Variants in PDE4D observed in about 807,000 individuals in gnomAD.
PDE4D encodes the protein phosphodiesterase 4D, also known as 3',5'-cyclic-AMP phosphodiesterase 4D.
PDE4D carries 24 observed loss-of-function variants against 87.4 expected under a neutral mutation model. The ratio of observed to expected loss-of-function variants is 0.27; its 90% confidence interval spans 0.20 to 0.39. The LOEUF is 0.39. Ranked by LOEUF, PDE4D falls within the 10% of genes least tolerant of loss-of-function variation. The pLI is 1.00. For synonymous variants in PDE4D, 384 were observed against 383.2 expected (o/e 1.00, Z -0.02); for missense variants, 714 against 1,041.0 (o/e 0.69, Z 4.32).
intron 5 of PDE4D, among the ~76,000 whole-genome samples, chr5:59,138,306 T>C (rs1055554005): frequency 5.3e-5 from 8 of 152,086 alleles, no homozygotes; most frequent in Admixed American, 6.5e-5. Flanking sequence ...TTGTTTTTTT[T>C]AGACGGAATC....
chr5:59,754,608 T>C (rs887228281), intron 1 of PDE4D, among the ~76,000 whole-genome samples: 1 of 152,130 alleles, frequency 6.6e-6, no homozygotes, highest in Non-Finnish European at 1.5e-5. Context: ...GCCAGTGCTG[T>C]GTGAGCATTC....
At chr5:59,907,122 G>A (rs538151464) in intron 3 of PDE4D, among the ~76,000 whole-genome samples, 2 of 152,126 alleles carry the variant, frequency 1.3e-5, no homozygotes, top group South Asian at 4.1e-4. Flanking sequence ...GCAAACTAAC[G>A]CAGGAACAGA....
intron 1 of PDE4D, among the ~76,000 whole-genome samples, chr5:59,745,033 A>C (rs1208615154): frequency 6.6e-6 from 1 of 152,220 alleles, no homozygotes; most frequent in Non-Finnish European, 1.5e-5. Context: ...ATTTCCATTG[A>C]TTACCAAACT....
chr5:59,368,731 C>A (rs1282154381), intron 1 of PDE4D, among the ~76,000 whole-genome samples: 1 of 152,172 alleles, frequency 6.6e-6, no homozygotes, highest in African/African-American at 2.4e-5. Context: ...AAAATGATTT[C>A]TTCTCACATT....
In PDE4D at chr5:60,197,703, C is replaced by T. The variant is rs545568662; in HGVS notation, c.-89-12016G>A. On this transcript the variant is annotated intron_variant, in intron 1 of 16. Coordinates refer to the PDE4D transcript ENST00000502484. ...CAAGTGCTACCCAAGGAGTCATTGC[C>T]GGCAGACTGTACAAACAGAAGAAAA... Among the ~76,000 whole-genome samples the T allele has an allele frequency of 4.6e-4, 69 of 151,490 alleles. No individual in the cohort carries two copies. The South Asian group carries it at 0.013, about 29-fold the overall frequency.
chr5:60,042,448 A>C (rs1768632905), intron 2 of PDE4D, among the ~76,000 whole-genome samples: 1 of 152,230 alleles, frequency 6.6e-6, no homozygotes, highest in South Asian at 2.1e-4. Context: ...AGCTCTGCTA[A>C]GGGACACAAT....
At chr5:59,565,146 G>A (rs573753266) in intron 1 of PDE4D, among the ~76,000 whole-genome samples, 11 of 152,116 alleles carry the variant, frequency 7.2e-5, no homozygotes, top group South Asian at 2.1e-4. Flanking sequence ...GATGGGCTCC[G>A]CTTGGCTCTT....
At chr5:59,402,691 A>T (rs1277557120) in intron 1 of PDE4D, among the ~76,000 whole-genome samples, 1 of 152,184 alleles carries the variant, frequency 6.6e-6, no homozygotes, top group African/African-American at 2.4e-5. Context: ...TTATTAAACT[A>T]ACCCACACAC....
chr5:59,763,991 G>A (rs1291973874), intron 1 of PDE4D, among the ~76,000 whole-genome samples: 1 of 152,144 alleles, frequency 6.6e-6, no homozygotes, highest in African/African-American at 2.4e-5. Context: ...GAGAACTGGA[G>A]GAACCTTTTA....
chr5:60,015,512 A>T (rs984949021), intron 2 of PDE4D, among the ~76,000 whole-genome samples: 1 of 152,178 alleles, frequency 6.6e-6, no homozygotes, highest in Non-Finnish European at 1.5e-5. Flanking sequence ...AAGAAGCCCA[A>T]GCTTCTTTGG....
intron 2 of PDE4D, among the ~76,000 whole-genome samples, chr5:59,995,325 T>C (rs1467736945): frequency 2.0e-5 from 3 of 151,096 alleles, no homozygotes; most frequent in African/African-American, 4.9e-5. Context: ...TTCTTTCTTT[T>C]TTTTTTTTTT....
In PDE4D at chr5:60,106,542, C is replaced by A. The variant is rs1776943389; in HGVS notation, c.42+79015G>T. Among the ~76,000 whole-genome samples, 4 of 152,174 alleles carry A rather than the reference C, an allele frequency of 2.6e-5. 1 individual carries two copies. In the South Asian group the frequency reaches 8.3e-4, roughly 32 times the overall value. On this transcript the variant is annotated intron_variant, in intron 2 of 16. Transcript: ENST00000502484. Reference sequence around the variant, plus strand: ...ATATACAGAACTCTCCACCCCAAATCAACAGAATATACATTTTTTTCAGCA... The same window carrying A: ...ATATACAGAACTCTCCACCCCAAATAAACAGAATATACATTTTTTTCAGCA...
chr5:60,277,859 C>T (rs887474191), intron 1 of PDE4D, among the ~76,000 whole-genome samples: 1 of 152,086 alleles, frequency 6.6e-6, no homozygotes, highest in African/African-American at 2.4e-5. Flanking sequence ...CTTTGAACGT[C>T]CCTTTAACCC....
At chr5:60,042,648 G>A (rs1290059782) in intron 2 of PDE4D, among the ~76,000 whole-genome samples, 1 of 152,204 alleles carries the variant, frequency 6.6e-6, no homozygotes, top group Non-Finnish European at 1.5e-5. Flanking sequence ...TGATACCCAG[G>A]CAAAGAGGGT....
At chr5:59,095,053 C>T (rs1371996540) in intron 5 of PDE4D, among the ~76,000 whole-genome samples, 1 of 151,856 alleles carries the variant, frequency 6.6e-6, no homozygotes, top group Non-Finnish European at 1.5e-5. Flanking sequence ...AAAGATGGCT[C>T]AATGGGCAAG....
At chr5:60,509,417 G>A (rs529336749) in intron 1 of PDE4D, among the ~76,000 whole-genome samples, 102 of 152,276 alleles carry the variant, frequency 6.7e-4, no homozygotes, top group Admixed American at 1.6e-3. Context: ...CTGCAGAAGC[G>A]CCGCAAGGAT....
chr5:60,346,141 T>G (rs1758730656), intron 1 of PDE4D, among the ~76,000 whole-genome samples: 1 of 152,142 alleles, frequency 6.6e-6, no homozygotes, highest in African/African-American at 2.4e-5. Context: ...TTGTAATCGA[T>G]TTTGAATTTG....
At position 59,158,271 on chromosome 5, in the gene PDE4D, A is replaced by T. The variant is rs115081519; in HGVS notation, c.808+22324T>A. Among the ~76,000 whole-genome samples, 1,144 of 152,364 alleles carry T rather than the reference A, an allele frequency of 7.5e-3. 15 individuals are homozygous for T. Among genetic ancestry groups the T allele is most frequent in the Middle Eastern group, 0.01 (3 of 294 alleles). ...AAAATAATAGGCATCTCCAAGTCACAGTATGCAGACAGGAATAGACAAATA... is the reference window on the plus strand; with the variant it reads ...AAAATAATAGGCATCTCCAAGTCACTGTATGCAGACAGGAATAGACAAATA... On this transcript the variant is annotated intron_variant, in intron 5 of 14. Coordinates refer to ENST00000340635, the MANE Select transcript of PDE4D (RefSeq NM_001104631.2).
At chr5:59,012,141 T>G (rs1316965903) in intron 6 of PDE4D, among the ~76,000 whole-genome samples, 1 of 151,996 alleles carries the variant, frequency 6.6e-6, no homozygotes, top group Non-Finnish European at 1.5e-5. Flanking sequence ...TTACAAGAGC[T>G]CCTGAAGGAA....
Sources: allele counts gnomAD v4.1 joint callset (sites outside exome capture counted in the v4.1 genomes callset), GRCh38; gene constraint gnomAD v4.1.1; transcripts MANE v1.5; gene names NCBI Gene and HGNC (gene_info 2026-07-23, HGNC 2026-07-21).